Variants in SPMIP2 observed in about 807,000 individuals in gnomAD.
The protein encoded by SPMIP2 is sperm microtubule inner protein 2, also known as protein SPMIP2.
the SPMIP2 span, chr4:158,960,225 C>G: frequency 1.0e-6 from 1 of 990,810 alleles, no homozygotes; most frequent in Non-Finnish European, 1.5e-6. Flanking sequence ...AAAAATGAAT[C>G]CTGTTACCAA....
At chr4:158,977,280 T>C in the SPMIP2 span, among the ~76,000 whole-genome samples, 3 of 152,284 alleles carry the variant, frequency 2.0e-5, no homozygotes, top group East Asian at 5.8e-4. Context: ...GAACTTGTTA[T>C]TGGTCTGTTC....
the SPMIP2 span, among the ~76,000 whole-genome samples, chr4:158,903,026 G>T: frequency 6.6e-6 from 1 of 152,160 alleles, no homozygotes; most frequent in African/African-American, 2.4e-5. Context: ...GGGTGCCACT[G>T]AGGTATGGAA....
At chr4:159,056,507 A>AT in the SPMIP2 span, among the ~76,000 whole-genome samples, 3 of 152,196 alleles carry the variant, frequency 2.0e-5, no homozygotes, top group Non-Finnish European at 4.4e-5. Flanking sequence ...ACAGTTGCTT[A>AT]TTTTTTGCCA....
chr4:158,995,319 G>A, the SPMIP2 span, among the ~76,000 whole-genome samples: 3 of 152,150 alleles, frequency 2.0e-5, no homozygotes, highest in Admixed American at 2.0e-4. Context: ...TAATAAACTC[G>A]TGGGATTATT....
At chr4:158,917,670 T>G in the SPMIP2 span, among the ~76,000 whole-genome samples, 24 of 151,554 alleles carry the variant, frequency 1.6e-4, no homozygotes, top group East Asian at 1.6e-3. Flanking sequence ...CCCTGAAGAC[T>G]TTTTGTTCCT....
At chr4:158,977,624 T>TC in the SPMIP2 span, among the ~76,000 whole-genome samples, 2 of 136,956 alleles carry the variant, frequency 1.5e-5, no homozygotes, top group Non-Finnish European at 3.1e-5. Context: ...TTTTTTTTTT[T>TC]TTCTCTTTGA....
chr4:159,047,788 C>A, the SPMIP2 span, among the ~76,000 whole-genome samples: 3 of 152,346 alleles, frequency 2.0e-5, no homozygotes, highest in Admixed American at 6.5e-5. Flanking sequence ...TGGGTCTACA[C>A]AGCACAATGG....
At chr4:158,929,335 T>C in the SPMIP2 span, among the ~76,000 whole-genome samples, 12 of 152,268 alleles carry the variant, frequency 7.9e-5, no homozygotes, top group African/African-American at 2.9e-4. Context: ...TGGCATTTGA[T>C]TGGATTGTTT....
chr4:158,934,165 A>G, the SPMIP2 span, among the ~76,000 whole-genome samples: 1 of 152,146 alleles, frequency 6.6e-6, no homozygotes, highest in Non-Finnish European at 1.5e-5. Context: ...TATCTCATCT[A>G]TAAAATAGGA....
chr4:158,908,592 TG>T, the SPMIP2 span, among the ~76,000 whole-genome samples: 6 of 152,376 alleles, frequency 3.9e-5, no homozygotes, highest in South Asian at 1.2e-3. Context: ...TTGGTAGCTA[TG>T]GTACCCATGG....
At chr4:159,077,559 C>G in the SPMIP2 span, among the ~76,000 whole-genome samples, 1 of 152,166 alleles carries the variant, frequency 6.6e-6, no homozygotes, top group Non-Finnish European at 1.5e-5. Flanking sequence ...ATAAATTACT[C>G]TCATTATTTA....
At chr4:158,979,735 T>C in the SPMIP2 span, among the ~76,000 whole-genome samples, 1 of 151,666 alleles carries the variant, frequency 6.6e-6, no homozygotes. Context: ...GGGCCCTGTG[T>C]TTCAAGCACA....
At chr4:158,957,869 G>A in the SPMIP2 span, among the ~76,000 whole-genome samples, 38 of 152,248 alleles carry the variant, frequency 2.5e-4, no homozygotes, top group African/African-American at 7.7e-4. Context: ...ATCAGAAACC[G>A]GATGGATTCG....
At chr4:158,915,414 C>T in the SPMIP2 span, 3 of 1,394,650 alleles carry the variant, frequency 2.2e-6, no homozygotes, top group Admixed American at 2.2e-5. Context: ...ACAAGGCCAC[C>T]AGTTTTCAGA....
the SPMIP2 span, among the ~76,000 whole-genome samples, chr4:159,054,875 C>T: frequency 6.6e-6 from 1 of 151,330 alleles, no homozygotes; most frequent in Admixed American, 6.6e-5. Flanking sequence ...ATCTCTGCAG[C>T]ATGTGCTCTG....
At chr4:159,017,134 TCCTTCCCTTTCCGTCAAC>T in the SPMIP2 span, among the ~76,000 whole-genome samples, 4 of 152,122 alleles carry the variant, frequency 2.6e-5, no homozygotes, top group African/African-American at 9.7e-5. Context: ...GAAAAAGGAC[TCCTTCCCTTTCCGTCAAC>T]ATACCCTATT....
chr4:158,893,626 T>G, the SPMIP2 span: 4 of 1,307,496 alleles, frequency 3.1e-6, no homozygotes, highest in Non-Finnish European at 4.3e-6. Context: ...TGTGGATTAT[T>G]ATGATCTTAT....
At chr4:158,943,616 C>T in the SPMIP2 span, among the ~76,000 whole-genome samples, 1 of 152,132 alleles carries the variant, frequency 6.6e-6, no homozygotes, top group African/African-American at 2.4e-5. Flanking sequence ...GAGAACAAGG[C>T]CTTCAGGTTT....
At chr4:158,992,578 A>G in the SPMIP2 span, among the ~76,000 whole-genome samples, 6 of 152,282 alleles carry the variant, frequency 3.9e-5, no homozygotes, top group African/African-American at 9.6e-5. Flanking sequence ...TTGTGCTGCT[A>G]TAACAAAATA....
Sources: gnomAD v4.1 joint callset for allele counts (sites outside exome capture counted in the v4.1 genomes callset) on GRCh38, gnomAD v4.1.1 for gene constraint, MANE v1.5 for transcripts, NCBI Gene and HGNC (gene_info 2026-07-23, HGNC 2026-07-21) for gene names.